ARHGAP42: variants seen among roughly 807,000 people sequenced by gnomAD.
ARHGAP42 encodes rho GTPase-activating protein 42.
ARHGAP42 carries 63 observed loss-of-function variants against 125.0 expected under a neutral mutation model. The ratio of observed to expected loss-of-function variants is 0.50; its 90% confidence interval spans 0.41 to 0.62. The LOEUF is 0.62. ARHGAP42 is among the 20% of genes least tolerant of loss of function. The probability of loss-of-function intolerance (pLI) is 0.00; values close to 1 mark genes in which losing one functional copy is unlikely to be tolerated. For synonymous variants in ARHGAP42, 339 were observed against 351.0 expected, an observed-to-expected ratio of 0.97 and a Z score of 0.38; for missense variants, 766 against 1,024.2, an observed-to-expected ratio of 0.75 and a Z score of 3.44.
At chr11:100,822,121 A>T (rs1864418704) in intron 3 of ARHGAP42, among the ~76,000 whole-genome samples, 1 of 152,066 alleles carries the variant, frequency 6.6e-6, no homozygotes, top group Non-Finnish European at 1.5e-5. Flanking sequence ...GGCATTTGAC[A>T]CCTTTTGTAT....
intron 3 of ARHGAP42, among the ~76,000 whole-genome samples, chr11:100,834,667 G>T (rs1344797099): frequency 6.6e-6 from 1 of 152,036 alleles, no homozygotes; most frequent in African/African-American, 2.4e-5. Context: ...GGGGGCACTA[G>T]TAGTAGCTTA....
intron 3 of ARHGAP42, among the ~76,000 whole-genome samples, chr11:100,852,073 C>T (rs1371903194): frequency 6.6e-6 from 1 of 152,100 alleles, no homozygotes; most frequent in Non-Finnish European, 1.5e-5. Context: ...TTAGTTAGAT[C>T]ATTCTCTGCT....
At chr11:100,973,708 A>G (rs1858315028) in intron 18 of ARHGAP42, among the ~76,000 whole-genome samples, 1 of 152,210 alleles carries the variant, frequency 6.6e-6, no homozygotes, top group African/African-American at 2.4e-5. Context: ...AATATAGGCA[A>G]CAGTCTTGAA....
intron 22 of ARHGAP42, among the ~76,000 whole-genome samples, chr11:100,980,359 T>G (rs1858500998): frequency 6.6e-6 from 1 of 152,038 alleles, no homozygotes; most frequent in Non-Finnish European, 1.5e-5. Context: ...GTAGTTGAAT[T>G]GCTCACTAGA....
In ARHGAP42 at chr11:100,899,199, C is replaced by G. The variant is rs140679308; in HGVS notation, c.385-14253C>G. Among the ~76,000 whole-genome samples the G allele has an allele frequency of 3.9e-3, 594 of 152,294 alleles. 3 individuals carry two copies. Among genetic ancestry groups the G allele is most frequent in the African/African-American group, 0.014 (568 of 41,558 alleles). On this transcript the variant is annotated intron_variant, in intron 4 of 23. Transcript: ENST00000298815. ...AGTTCTAATTCAATTGCACTGTGGT[C>G]TGAGAGACAGTTTGTTGTGATTTCT...
chr11:100,845,005 A>G (rs942870596), intron 3 of ARHGAP42, among the ~76,000 whole-genome samples: 1 of 152,170 alleles, frequency 6.6e-6, no homozygotes, highest in African/African-American at 2.4e-5. Context: ...TCATAGCAGC[A>G]CAATTAGCAA....
rs775105422 is a variant in ARHGAP42, at chr11:100,976,905, C to T, written c.2327C>T (p.Pro776Leu). ...GCTTCACCAAACCCAGACCTGCCTC[C>T]GAAAATGTGCAGGAGATTAAGACTA... ...PKASPNPDLP[P>L]KMCRRLRLDT... Residue 776 changes from proline (P) to leucine (L), a missense_variant, in exon 21 of 24, where the codon CCG becomes CTG. Coordinates refer to ENST00000298815, the MANE Select transcript of ARHGAP42 (RefSeq NM_152432.4). The T allele has an allele frequency of 1.3e-5, 20 of 1,551,486 alleles. No individual in the cohort carries two copies. Among genetic ancestry groups the T allele is most frequent in the Middle Eastern group, 1.7e-4 (1 of 5,984 alleles).
chr11:100,933,332 A>AT (rs1219621311), intron 7 of ARHGAP42, 72 bp downstream of exon 7: 9 of 1,127,554 alleles, frequency 8.0e-6, no homozygotes, highest in Middle Eastern at 2.0e-4. Context: ...ACTAATTACA[A>AT]TTTTTTTCTA....
At position 100,989,024 on chromosome 11, in the gene ARHGAP42, T is replaced by C; in HGVS notation, c.*223T>C. 2.0e-6 allele frequency: 1 copy of C among 499,224 alleles called. No individual in the cohort carries two copies. The highest frequency in any genetic ancestry group is 3.6e-6 in the Non-Finnish European group (1 of 278,548). The allele number at this position is 499,224 out of a possible 1,614,324, so 30.9% of individuals were successfully genotyped here. On this transcript the variant is annotated 3_prime_UTR_variant, in exon 24 of 24. Coordinates refer to ENST00000298815, the MANE Select transcript of ARHGAP42 (RefSeq NM_152432.4). ...GGTTTCTTATTTTAAAATATCTTAC[T>C]TGTGAAAAATGTGTTTTTGGATAAT...
At chr11:100,811,089 G>A (rs1401370188) in intron 3 of ARHGAP42, among the ~76,000 whole-genome samples, 3 of 152,080 alleles carry the variant, frequency 2.0e-5, no homozygotes, top group Admixed American at 1.3e-4. Flanking sequence ...TTCAGTAGCT[G>A]GCATTACAGG....
intron 4 of ARHGAP42, among the ~76,000 whole-genome samples, chr11:100,910,203 G>T (rs985065501): frequency 1.3e-5 from 2 of 152,092 alleles, no homozygotes; most frequent in African/African-American, 4.8e-5. Flanking sequence ...GTTGCCTTCT[G>T]TCTCTGTGTC....
At chr11:100,831,087 G>A (rs1430658979) in intron 3 of ARHGAP42, among the ~76,000 whole-genome samples, 1 of 152,120 alleles carries the variant, frequency 6.6e-6, no homozygotes. Flanking sequence ...CATATCTGCT[G>A]TGCTGGAATC....
chr11:100,788,876 A>AT (rs1315078374), intron 2 of ARHGAP42, among the ~76,000 whole-genome samples: 1 of 152,142 alleles, frequency 6.6e-6, no homozygotes, highest in African/African-American at 2.4e-5. Flanking sequence ...GCTACCTTTG[A>AT]TTTTTTAAGT....
chr11:100,758,772 A>T (rs1295962036), intron 1 of ARHGAP42, among the ~76,000 whole-genome samples: 1 of 152,200 alleles, frequency 6.6e-6, no homozygotes, highest in African/African-American at 2.4e-5. Context: ...AAGTATATTA[A>T]TATTATTCCC....
intron 5 of ARHGAP42, among the ~76,000 whole-genome samples, chr11:100,920,336 A>G (rs912689399): frequency 1.3e-5 from 2 of 152,210 alleles, no homozygotes; most frequent in African/African-American, 2.4e-5. Flanking sequence ...TACTCCCTGC[A>G]TAGTTGAAAG....
chr11:100,897,079 C>G (rs183398760), intron 4 of ARHGAP42, among the ~76,000 whole-genome samples: 12 of 152,270 alleles, frequency 7.9e-5, no homozygotes, highest in Admixed American at 4.6e-4. Context: ...TTTCCCAGCA[C>G]CATTTGTTAA....
At chr11:100,796,137 G>A (rs994364436) in intron 3 of ARHGAP42, among the ~76,000 whole-genome samples, 3 of 152,120 alleles carry the variant, frequency 2.0e-5, no homozygotes, top group African/African-American at 4.8e-5. Context: ...CAGCATGTGT[G>A]TACTTTCTGT....
intron 1 of ARHGAP42, among the ~76,000 whole-genome samples, chr11:100,719,471 G>A (rs932989231): frequency 4.6e-5 from 7 of 152,204 alleles, no homozygotes; most frequent in Admixed American, 1.3e-4. Flanking sequence ...AAGTCCGGTA[G>A]GAGCCAGCAG....
intron 8 of ARHGAP42, among the ~76,000 whole-genome samples, chr11:100,940,211 A>G (rs1403569581): frequency 2.6e-5 from 4 of 152,202 alleles, no homozygotes; most frequent in Non-Finnish European, 5.9e-5. Context: ...ATTATTAAAG[A>G]AAAAAATTAA....
Sources: allele counts gnomAD v4.1 joint callset (sites outside exome capture counted in the v4.1 genomes callset), GRCh38; gene constraint gnomAD v4.1.1; transcripts MANE v1.5; gene names NCBI Gene and HGNC (gene_info 2026-07-23, HGNC 2026-07-21).